Variants in OTOGL observed in about 807,000 individuals in gnomAD.
OTOGL encodes the protein otogelin-like protein.
Under a neutral mutation model 318.5 loss-of-function variants are expected in OTOGL, and 285 were observed. The observed-to-expected ratio is 0.89, with a 90% CI of 0.81 to 0.99. The LOEUF is 0.99. OTOGL is among the 50% of genes least tolerant of loss of function. OTOGL has a pLI of 0.00. For synonymous variants in OTOGL, 987 were observed against 936.5 expected, an observed-to-expected ratio of 1.05 and a Z score of -0.99; for missense variants, 2,899 against 2,845.6, an observed-to-expected ratio of 1.02 and a Z score of -0.43.
intron 27 of OTOGL, 34 bp from the exon 28 acceptor site, chr12:80,302,600 A>G: frequency 8.0e-7 from 1 of 1,249,142 alleles, no homozygotes; most frequent in Non-Finnish European, 1.0e-6. Context: ...AGAACTTACT[A>G]CTCACTTTGT....
At chr12:80,357,972 C>T (rs1890012580) in intron 49 of OTOGL, among the ~76,000 whole-genome samples, 1 of 152,088 alleles carries the variant, frequency 6.6e-6, no homozygotes, top group Non-Finnish European at 1.5e-5. Context: ...AAACAAGTGA[C>T]ATTTTGATTC....
chr12:80,376,127 G>A (rs1388008285), intron 57 of OTOGL, among the ~76,000 whole-genome samples: 1 of 152,144 alleles, frequency 6.6e-6, no homozygotes, highest in Non-Finnish European at 1.5e-5. Context: ...CAGATAGGGT[G>A]AGAACTGAGA....
chr12:80,321,212 C>A (rs1592704960), intron 34 of OTOGL, among the ~76,000 whole-genome samples: 1 of 152,110 alleles, frequency 6.6e-6, no homozygotes, highest in Non-Finnish European at 1.5e-5. Context: ...TTCTAGAGAG[C>A]CTTTGAGGTC....
intron 1 of OTOGL, among the ~76,000 whole-genome samples, chr12:80,140,238 AGTT>A (rs1592486895): frequency 6.6e-6 from 1 of 152,132 alleles, no homozygotes; most frequent in African/African-American, 2.4e-5. Flanking sequence ...ACATGGTTTG[AGTT>A]GTTTTTCGTT....
chr12:80,130,424 G>T (rs1871167992), intron 1 of OTOGL, among the ~76,000 whole-genome samples: 1 of 152,216 alleles, frequency 6.6e-6, no homozygotes, highest in African/African-American at 2.4e-5. Flanking sequence ...AACTTGAAGA[G>T]TTGGAGGTTG....
chr12:80,343,051 T>G (rs1229915009), intron 44 of OTOGL, among the ~76,000 whole-genome samples: 1 of 152,128 alleles, frequency 6.6e-6, no homozygotes, highest in Admixed American at 6.5e-5. Flanking sequence ...CCAGCTGATA[T>G]TTTTAGTACA....
chr12:80,143,625 C>A (rs1383925677), intron 1 of OTOGL, among the ~76,000 whole-genome samples: 4 of 152,146 alleles, frequency 2.6e-5, no homozygotes, highest in Non-Finnish European at 4.4e-5. Context: ...ACTTGAGCCC[C>A]AGGCTGTGGA....
intron 9 of OTOGL, among the ~76,000 whole-genome samples, chr12:80,238,509 A>G (rs919760449): frequency 6.6e-5 from 10 of 152,098 alleles, no homozygotes; most frequent in African/African-American, 1.4e-4. Context: ...CGTTTTACGC[A>G]TATTTTTTCT....
At chr12:80,112,872 A>T (rs557691016) in intron 1 of OTOGL, among the ~76,000 whole-genome samples, 6 of 152,074 alleles carry the variant, frequency 3.9e-5, no homozygotes, top group Non-Finnish European at 8.8e-5. Context: ...TCAGCTGTGA[A>T]TCTGTCTGGT....
At chr12:80,255,456 A>G (rs1346698908) in intron 16 of OTOGL, among the ~76,000 whole-genome samples, 1 of 152,046 alleles carries the variant, frequency 6.6e-6, no homozygotes, top group Non-Finnish European at 1.5e-5. Context: ...CTATATATTT[A>G]ATTGCATTTT....
Position 80,219,836 on chromosome 12 carries a change from T to G in OTOGL, c.258T>G (p.Leu86=). 1 of 1,591,354 alleles carries G rather than the reference T, an allele frequency of 6.3e-7. No homozygotes were observed. The highest frequency in any genetic ancestry group is 8.5e-7 in the Non-Finnish European group (1 of 1,173,358). ...KIKGSCPYEC[L]NGAFCSKTGT... ...CAGGTTCTTGTCCTTATGAATGCCT[T>G]AATGGAGCTTTCTGTTCTAAGACTG... Residue 86 remains leucine (L), a synonymous_variant, in exon 6 of 59, where the codon CTT becomes CTG. Coordinates refer to ENST00000547103, the MANE Select transcript of OTOGL (RefSeq NM_001378609.3).
chr12:80,283,664 T>G (rs745837978), intron 26 of OTOGL, among the ~76,000 whole-genome samples: 1 of 152,006 alleles, frequency 6.6e-6, no homozygotes, highest in Non-Finnish European at 1.5e-5. Flanking sequence ...CACTTGAGAA[T>G]AGAGACCACA....
At chr12:80,278,041 G>A (rs769557965) in intron 24 of OTOGL, 127 bp from the exon 25 acceptor site, 3 of 687,792 alleles carry the variant, frequency 4.4e-6, no homozygotes, top group Non-Finnish European at 7.3e-6. Context: ...TCCTCAGTAG[G>A]TTAGATAGAG....
At chr12:80,144,269 T>C (rs1398889297) in intron 1 of OTOGL, among the ~76,000 whole-genome samples, 1 of 151,966 alleles carries the variant, frequency 6.6e-6, no homozygotes, top group South Asian at 2.1e-4. Flanking sequence ...TGTGATCTCA[T>C]TGTTCAATTC....
chr12:80,281,390 G>C (rs1379146028), intron 26 of OTOGL, among the ~76,000 whole-genome samples: 2 of 151,674 alleles, frequency 1.3e-5, no homozygotes, highest in African/African-American at 4.8e-5. Flanking sequence ...GTTTTTAGAG[G>C]ATTTTTAATA....
intron 46 of OTOGL, among the ~76,000 whole-genome samples, chr12:80,355,229 CTTTTT>C (rs869285817): frequency 0.023 from 1,132 of 49,984 alleles, 17 homozygotes; most frequent in East Asian, 0.061. Context: ...TCTTTCTTTT[CTTTTT>C]TTTTTTTTTT....
At chr12:80,303,446 T>C (rs1163983317) in intron 28 of OTOGL, among the ~76,000 whole-genome samples, 1 of 152,224 alleles carries the variant, frequency 6.6e-6, no homozygotes, top group Non-Finnish European at 1.5e-5. Context: ...TGAGCCATTG[T>C]GCCCAGCCTA....
chr12:80,257,381 G>A (rs78357277), intron 17 of OTOGL, among the ~76,000 whole-genome samples: 6,635 of 151,688 alleles, frequency 0.044, 493 homozygotes, highest in African/African-American at 0.15. Flanking sequence ...AGGAAATATG[G>A]ACAAGAGTTA....
chr12:80,337,532 A>G (rs1169249691), intron 42 of OTOGL, among the ~76,000 whole-genome samples: 11 of 152,160 alleles, frequency 7.2e-5, no homozygotes, highest in Admixed American at 7.2e-4. Context: ...GCAATGTATT[A>G]TAAAAAAGCA....
Sources: allele counts gnomAD v4.1 joint callset (sites outside exome capture counted in the v4.1 genomes callset), GRCh38; gene constraint gnomAD v4.1.1; transcripts MANE v1.5; gene names NCBI Gene and HGNC (gene_info 2026-07-23, HGNC 2026-07-21).